Variants in PLEKHA8 observed in about 807,000 individuals in gnomAD.
PLEKHA8 encodes pleckstrin homology domain-containing family A member 8.
In PLEKHA8, 36 loss-of-function variants were observed where a neutral mutation model predicts 68.2. The observed-to-expected ratio is 0.53, with a 90% CI of 0.40 to 0.70. The LOEUF (loss-of-function observed/expected upper bound fraction) is 0.70. PLEKHA8 is among the 30% of genes least tolerant of loss of function. The pLI is 0.00. For synonymous variants in PLEKHA8, 211 were observed against 216.1 expected, an observed-to-expected ratio of 0.98 and a Z score of 0.20; for missense variants, 505 against 615.4, an observed-to-expected ratio of 0.82 and a Z score of 1.90.
chr7:30,081,364 A>C lies in PLEKHA8; in HGVS notation c.*2577A>C, dbSNP rs535747190. The C allele has an allele frequency of 5.2e-5, 51 of 984,174 alleles. No individual in the cohort carries two copies. The Admixed American group carries it at 5.5e-4, about 11-fold the overall frequency. The allele number at this position is 984,174 out of a possible 1,614,324, so 61.0% of individuals were successfully genotyped here. On this transcript the variant is annotated 3_prime_UTR_variant, in exon 14 of 14. Coordinates refer to ENST00000449726, the MANE Select transcript of PLEKHA8 (RefSeq NM_001197026.2). ...AGGAACTGAGGATCCTTAAATAAAA[A>C]TATTAGAAATTAGAAATTGAACCTA... is the stretch of plus-strand genomic sequence containing the variant.
At chr7:30,051,623 C>T (rs1455445726) in intron 6 of PLEKHA8, among the ~76,000 whole-genome samples, 1 of 152,120 alleles carries the variant, frequency 6.6e-6, no homozygotes, top group Non-Finnish European at 1.5e-5. Flanking sequence ...GCTGACATTT[C>T]CCTCAGGATG....
intron 12 of PLEKHA8, chr7:30,072,250 A>G (rs937564544): frequency 2.0e-5 from 3 of 152,222 alleles, no homozygotes; most frequent in Admixed American, 1.3e-4. Context: ...GCATTCCAGC[A>G]TATTCCTAAG....
rs1035041741 is a variant in PLEKHA8 at position 30,080,073 on chromosome 7, A to G, written c.*1286A>G. ...ATGACTCTGAATCTGCTTACCAATC[A>G]ATCTCGGTTTAATCACCAAAAGTGC... On this transcript the variant is annotated 3_prime_UTR_variant, in exon 14 of 14. Transcript: ENST00000449726. The G allele has an allele frequency of 1.7e-5, 17 of 985,354 alleles. No homozygotes were observed. Among genetic ancestry groups the G allele is most frequent in the Admixed American group, 6.1e-5 (1 of 16,278 alleles). 61.0% of individuals were successfully genotyped at this position (985,354 alleles called of 1,614,324 possible). A position where few individuals can be genotyped will look rare whatever the true frequency, so the allele number is the denominator to read the frequency against.
chr7:30,044,110 G>A (rs556051973), intron 1 of PLEKHA8, among the ~76,000 whole-genome samples: 43 of 150,784 alleles, frequency 2.9e-4, no homozygotes, highest in African/African-American at 1.0e-3. Flanking sequence ...GGGTTCAAGC[G>A]ATTCTCCTGC....
At position 30,049,212 on chromosome 7, in the gene PLEKHA8, G is replaced by A. The variant is rs779075091; in HGVS notation, c.439-12G>A. ...CAAGGTAAAGGAGTCTTCCACTCTG[G>A]TTGTTTCGTAGGAGGGAATTGATGT... is the stretch of plus-strand genomic sequence containing the variant. On this transcript the variant is annotated splice_polypyrimidine_tract_variant and intron_variant, in intron 4 of 13. Transcript: ENST00000449726. 6.2e-7 allele frequency: 1 copy of A among 1,613,608 alleles called. No individual in the cohort carries two copies. Among genetic ancestry groups the A allele is most frequent in the South Asian group, 1.1e-5 (1 of 91,060 alleles).
intron 9 of PLEKHA8, among the ~76,000 whole-genome samples, chr7:30,056,800 ATG>A (rs1350344062): frequency 7.4e-6 from 1 of 134,318 alleles, no homozygotes; most frequent in Non-Finnish European, 1.6e-5. Context: ...TATATATGTT[ATG>A]TGTATATATA....
chr7:30,036,453 TAGA>T (rs2127961795), intron 1 of PLEKHA8, among the ~76,000 whole-genome samples: 1 of 144,872 alleles, frequency 6.9e-6, no homozygotes, highest in African/African-American at 2.5e-5. Flanking sequence ...GATAGATAGA[TAGA>T]TAGATAGATT....
intron 13 of PLEKHA8, chr7:30,117,931 AAAAATTT>A (rs1275077955): frequency 1.1e-5 from 16 of 1,421,680 alleles, no homozygotes; most frequent in Non-Finnish European, 1.5e-5. Context: ...TTATTTTTTA[AAAAATTT>A]AAAAACTGAG....
chr7:30,049,969 G>C (rs1473996430), intron 5 of PLEKHA8, among the ~76,000 whole-genome samples: 1 of 152,140 alleles, frequency 6.6e-6, no homozygotes, highest in East Asian at 1.9e-4. Context: ...TGAATCACTA[G>C]ATTGGTCTAA....
intron 3 of PLEKHA8, 141 bp from the exon 4 acceptor site, chr7:30,047,691 A>G: frequency 1.2e-6 from 1 of 829,486 alleles, no homozygotes; most frequent in Non-Finnish European, 1.8e-6. Context: ...CACATTTGCA[A>G]CCCATACTTT....
intron 13 of PLEKHA8, among the ~76,000 whole-genome samples, chr7:30,109,986 A>C (rs1796216757): frequency 6.6e-6 from 1 of 152,142 alleles, no homozygotes; most frequent in Admixed American, 6.5e-5. Flanking sequence ...ATTGCTTTTA[A>C]TGTCATCCTA....
intron 5 of PLEKHA8, 151 bp downstream of exon 5, chr7:30,049,533 G>A: frequency 2.1e-6 from 2 of 953,428 alleles, no homozygotes; most frequent in Non-Finnish European, 1.5e-6. Flanking sequence ...TCTGTCCTCA[G>A]CACCCCATAT....
intron 13 of PLEKHA8, among the ~76,000 whole-genome samples, chr7:30,113,236 T>G (rs1796328543): frequency 6.6e-6 from 1 of 152,240 alleles, no homozygotes; most frequent in Non-Finnish European, 1.5e-5. Flanking sequence ...GGAAGTAAAA[T>G]GTTCCCATAG....
downstream of PLEKHA8, among the ~76,000 whole-genome samples, chr7:30,092,770 A>G (rs960314031): frequency 6.6e-6 from 1 of 152,220 alleles, no homozygotes; most frequent in Non-Finnish European, 1.5e-5. Flanking sequence ...TAGGCCCATC[A>G]TGGGACTTCC....
chr7:30,055,715 G>GT (rs1792792839), intron 9 of PLEKHA8, among the ~76,000 whole-genome samples: 1 of 151,964 alleles, frequency 6.6e-6, no homozygotes, highest in Non-Finnish European at 1.5e-5. Flanking sequence ...GCCCAGGCTG[G>GT]AGTGCAGTGG....
intron 1 of PLEKHA8, among the ~76,000 whole-genome samples, chr7:30,044,539 C>T (rs569732199): frequency 2.0e-5 from 3 of 152,324 alleles, no homozygotes; most frequent in South Asian, 4.1e-4. Context: ...AAGTCAAACA[C>T]GTTACCTTTT....
rs1795006626 is a variant in PLEKHA8 at position 30,082,791 on chromosome 7, T to G, written c.*4004T>G. 2.0e-6 allele frequency: 2 copies of G among 985,142 alleles called. No homozygotes were observed. The highest frequency in any genetic ancestry group is 3.5e-5 in the African/African-American group (2 of 57,202). 61.0% of individuals were successfully genotyped at this position (985,142 alleles called of 1,614,324 possible). On this transcript the variant is annotated 3_prime_UTR_variant, in exon 14 of 14. Coordinates refer to ENST00000449726, the MANE Select transcript of PLEKHA8 (RefSeq NM_001197026.2). Reference sequence around the variant, plus strand: ...TTAATCTGATTGTGAAAATCATACATATGGAGAAACATCAGATCAGGCAAT... The same window carrying G: ...TTAATCTGATTGTGAAAATCATACAGATGGAGAAACATCAGATCAGGCAAT...
At chr7:30,104,357 C>T (rs927586920) in intron 13 of PLEKHA8, among the ~76,000 whole-genome samples, 2 of 152,120 alleles carry the variant, frequency 1.3e-5, no homozygotes, top group African/African-American at 2.4e-5. Flanking sequence ...CATAATAGCC[C>T]CAATGACCCA....
At chr7:30,059,710 G>C (rs1437154040) in intron 9 of PLEKHA8, among the ~76,000 whole-genome samples, 1 of 141,850 alleles carries the variant, frequency 7.0e-6, no homozygotes, top group African/African-American at 2.6e-5. Context: ...TTCTCTTTTG[G>C]CTTTTTAGCT....
Sources: gnomAD v4.1 joint callset for allele counts (sites outside exome capture counted in the v4.1 genomes callset) on GRCh38, gnomAD v4.1.1 for gene constraint, MANE v1.5 for transcripts, NCBI Gene and HGNC (gene_info 2026-07-23, HGNC 2026-07-21) for gene names.